The following FRA10AC1 variants were observed in gnomAD, a reference collection of about 807,000 sequenced individuals.
FRA10AC1 encodes protein FRA10AC1.
In FRA10AC1, 43 loss-of-function variants were observed where a neutral mutation model predicts 56.5. That is an observed-to-expected ratio of 0.76 (90% CI 0.60 to 0.98). FRA10AC1 has a LOEUF of 0.98. FRA10AC1 is among the 50% of genes least tolerant of loss of function. The probability of loss-of-function intolerance (pLI) is 0.00; values close to 1 mark genes in which losing one functional copy is unlikely to be tolerated. For missense variants in FRA10AC1, 346 were observed against 351.8 expected (o/e 0.98, Z 0.13); for synonymous variants, 112 against 110.5 (o/e 1.01, Z -0.09).
In FRA10AC1 at chr10:93,698,416, A is replaced by G; in HGVS notation, c.78-20T>C. On this transcript the variant is annotated intron_variant, in intron 2 of 13. Coordinates refer to ENST00000359204, the MANE Select transcript of FRA10AC1 (RefSeq NM_145246.5). The stretch of plus-strand genomic sequence containing the variant: ...ACTGTCCTGATATATTAAGAAGAAA[A>G]TAAGAGTTCACTTTTTTCAAAGGTT... The G allele has an allele frequency of 1.5e-6, 2 of 1,356,702 alleles. No homozygotes were observed. Among genetic ancestry groups the G allele is most frequent in the Non-Finnish European group, 2.1e-6 (2 of 962,068 alleles). 84.0% of individuals were successfully genotyped at this position (1,356,702 alleles called of 1,614,324 possible). A position where few individuals can be genotyped will look rare whatever the true frequency, so the allele number is the denominator to read the frequency against.
chr10:93,671,258 A>G (rs2058756885), intron 12 of FRA10AC1: 1 of 159,652 alleles, frequency 6.3e-6, no homozygotes, highest in African/African-American at 2.4e-5. Flanking sequence ...TAGTACCTTA[A>G]GAACTGAGCT....
At chr10:93,687,359 A>C in intron 8 of FRA10AC1, 45 bp downstream of exon 8, 2 of 1,357,596 alleles carry the variant, frequency 1.5e-6, no homozygotes. Context: ...GTAACTTAAC[A>C]AAATAAGTTT....
chr10:93,697,334 A>G (rs116539406), intron 4 of FRA10AC1, among the ~76,000 whole-genome samples: 1,871 of 152,340 alleles, frequency 0.012, 37 homozygotes, highest in African/African-American at 0.042. Context: ...GAATAAATCA[A>G]TTAGTGACAC....
Position 93,693,640 on chromosome 10 carries a change from C to T in FRA10AC1, c.297-911G>A, listed in dbSNP as rs11597965. On this transcript the variant is annotated intron_variant, in intron 5 of 13. Transcript: ENST00000359204. ...TATATATATACACACCATATATATACACACCATATATATATACCATATATA... is the reference window on the plus strand; with the variant it reads ...TATATATATACACACCATATATATATACACCATATATATATACCATATATA... Among the ~76,000 whole-genome samples, 41 of 58,838 alleles carry T rather than the reference C, an allele frequency of 7.0e-4. 1 individual carries two copies. The highest frequency in any genetic ancestry group is 3.0e-3 in the South Asian group (4 of 1,332). The allele number at this position is 58,838 out of a possible 152,430, so 38.6% of individuals were successfully genotyped here.
In FRA10AC1 at chr10:93,698,350, T is replaced by C; in HGVS notation, c.124A>G (p.Lys42Glu). 1 of 1,612,296 alleles carries C rather than the reference T, an allele frequency of 6.2e-7. No individual in the cohort carries two copies. Among genetic ancestry groups the C allele is most frequent in the Non-Finnish European group, 8.5e-7 (1 of 1,178,950 alleles). ...LLLQKPFQKE[K>E]HGKVAHKQVA... The stretch of plus-strand genomic sequence containing the variant: ...TGTTTATGGGCCACCTTTCCATGTT[T>C]TTCTTTCTGAAATGGTTTTTGGAGC... Residue 42 changes from lysine (K) to glutamate (E), a missense_variant, in exon 3 of 14, where the codon AAA (lysine) becomes GAA (glutamate). By Grantham distance (56) the Lys-to-Glu change is moderately conservative. Coordinates refer to ENST00000359204, the MANE Select transcript of FRA10AC1 (RefSeq NM_145246.5).
intron 7 of FRA10AC1, among the ~76,000 whole-genome samples, chr10:93,689,107 C>T (rs2059081040): frequency 7.0e-6 from 1 of 143,600 alleles, no homozygotes; most frequent in Admixed American, 7.1e-5. Context: ...GGACTTCAGG[C>T]ATGTGCTACC....
chr10:93,695,773 G>A lies in FRA10AC1; in HGVS notation c.220-836C>T, dbSNP rs546857354. Among the ~76,000 whole-genome samples, 4 of 151,906 alleles carry A rather than the reference G, an allele frequency of 2.6e-5. No homozygotes were observed. In the South Asian group the frequency reaches 8.3e-4, roughly 32 times the overall value. On this transcript the variant is annotated intron_variant, in intron 4 of 13. Transcript: ENST00000359204. ...GAGAGACAGAAAAACCAAATACCTG[G>A]AGATCTGGATTCTAGCTCTTGATCT...
Position 93,687,390 on chromosome 10 carries a change from T to A in FRA10AC1, c.511+14A>T, listed in dbSNP as rs759445140. ...AGTTTATCCTATTAAAAAGTAAAAA[T>A]TTTAAAGAATTACCTTTTCCTGAAA... On this transcript the variant is annotated intron_variant, in intron 8 of 13. Coordinates refer to ENST00000359204, the MANE Select transcript of FRA10AC1 (RefSeq NM_145246.5). The A allele has an allele frequency of 6.7e-7, 1 of 1,483,280 alleles. No homozygotes were observed. The highest frequency in any genetic ancestry group is 9.1e-7 in the Non-Finnish European group (1 of 1,095,292). 91.9% of individuals were successfully genotyped at this position (1,483,280 alleles called of 1,614,324 possible). A position where few individuals can be genotyped will look rare whatever the true frequency, so the allele number is the denominator to read the frequency against.
chr10:93,680,573 C>T (rs958148012), intron 11 of FRA10AC1, among the ~76,000 whole-genome samples: 4 of 152,184 alleles, frequency 2.6e-5, no homozygotes, highest in Non-Finnish European at 5.9e-5. Flanking sequence ...AAGCATGCAA[C>T]ATAGCTAATG....
intron 12 of FRA10AC1, chr10:93,673,474 T>C (rs2058797525): frequency 2.5e-6 from 1 of 394,416 alleles, no homozygotes; most frequent in Non-Finnish European, 4.9e-6. Context: ...TGCCTAAAAT[T>C]ATATACAATT....
chr10:93,684,312 A>G (rs947747584), intron 9 of FRA10AC1, among the ~76,000 whole-genome samples: 1 of 152,202 alleles, frequency 6.6e-6, no homozygotes, highest in Non-Finnish European at 1.5e-5. Flanking sequence ...AATTGAAAAT[A>G]ACACTATTTT....
At chr10:93,689,483 A>G (rs150742848) in intron 7 of FRA10AC1, among the ~76,000 whole-genome samples, 2 of 152,096 alleles carry the variant, frequency 1.3e-5, no homozygotes, top group East Asian at 3.9e-4. Context: ...GCCATCCAAC[A>G]TATGTTAGGA....
chr10:93,702,516 A>ACCG lies in FRA10AC1; in HGVS notation c.-143_-142insCGG, dbSNP rs1346769827. On this transcript the variant is annotated 5_prime_UTR_variant, in exon 1 of 14. Transcript: ENST00000359204. The stretch of plus-strand genomic sequence containing the variant: ...CGCCCTGCCGCACAGCCTCGCCACA[A>ACCG]CCACCACCGCCGCCGCCGCCGCCGC... 16 of 151,828 alleles carry ACCG rather than the reference A, an allele frequency of 1.1e-4. 1 individual carries two copies. Among genetic ancestry groups the ACCG allele is most frequent in the South Asian group, 7.6e-4 (12 of 15,852 alleles). 9.4% of individuals were successfully genotyped at this position (151,828 alleles called of 1,614,324 possible).
At chr10:93,681,847 T>C (rs2058941067) in intron 10 of FRA10AC1, among the ~76,000 whole-genome samples, 1 of 152,128 alleles carries the variant, frequency 6.6e-6, no homozygotes, top group African/African-American at 2.4e-5. Context: ...TATACGACCA[T>C]AGTAAATACA....
intron 12 of FRA10AC1, chr10:93,673,456 G>C (rs1181240694): frequency 4.7e-6 from 2 of 428,360 alleles, no homozygotes; most frequent in Non-Finnish European, 9.2e-6. Flanking sequence ...GTTCCCTTTA[G>C]AGTGTGGTGC....
At chr10:93,671,848 C>A (rs2058767087) in intron 12 of FRA10AC1, 1 of 338,680 alleles carries the variant, frequency 3.0e-6, no homozygotes, top group African/African-American at 2.2e-5. Flanking sequence ...AATACTTTTA[C>A]TTTCTATTTT....
intron 11 of FRA10AC1, among the ~76,000 whole-genome samples, chr10:93,677,372 C>T (rs548592909): frequency 6.6e-6 from 1 of 152,102 alleles, no homozygotes; most frequent in African/African-American, 2.4e-5. Flanking sequence ...GGATAGGAGG[C>T]CTCGTAACCC....
rs2058936322 is a variant in FRA10AC1 at position 93,681,569 on chromosome 10, TTTC to T, written c.695_697del (p.Arg232del). 3 of 1,552,190 alleles carry T rather than the reference TTTC, an allele frequency of 1.9e-6. No homozygotes were observed. The highest frequency in any genetic ancestry group is 2.6e-6 in the Non-Finnish European group (3 of 1,152,710). ...TTCACAGTCTTTTTTGGTTTTATCT[TTTC>T]TTTTTTTTGACTTGATTTCTTTTCT... is the stretch of plus-strand genomic sequence containing the variant. On this transcript the variant is annotated inframe_deletion, in exon 11 of 14. Coordinates refer to ENST00000359204, the MANE Select transcript of FRA10AC1 (RefSeq NM_145246.5).
chr10:93,699,916 G>T, intron 2 of FRA10AC1, 114 bp downstream of exon 2: 1 of 615,742 alleles, frequency 1.6e-6, no homozygotes, highest in Non-Finnish European at 2.8e-6. Flanking sequence ...TCATTCACTA[G>T]AGCAATTGTC....
Sources: allele counts gnomAD v4.1 joint callset (sites outside exome capture counted in the v4.1 genomes callset), GRCh38; gene constraint gnomAD v4.1.1; transcripts MANE v1.5; gene names NCBI Gene and HGNC (gene_info 2026-07-23, HGNC 2026-07-21).